Variants in COL6A6 observed in about 807,000 individuals in gnomAD.
COL6A6 encodes the protein collagen alpha-6(VI) chain.
COL6A6 carries 183 observed loss-of-function variants against 208.6 expected under a neutral mutation model. That is an observed-to-expected ratio of 0.88 (90% CI 0.78 to 0.99). The LOEUF (loss-of-function observed/expected upper bound fraction) is 0.99. Among genes scored for constraint, COL6A6 ranks in the 50% least tolerant of loss-of-function variants. The pLI, the probability that COL6A6 is intolerant of heterozygous loss-of-function variation, is 0.00. For missense variants in COL6A6, 2,816 were observed against 2,815.2 expected, an observed-to-expected ratio of 1.00 and a Z score of -0.01; for synonymous variants, 973 against 1,011.8, an observed-to-expected ratio of 0.96 and a Z score of 0.73.
chr3:130,640,680 A>G (rs1036361868), intron 28 of COL6A6, among the ~76,000 whole-genome samples: 1 of 152,124 alleles, frequency 6.6e-6, no homozygotes, highest in Non-Finnish European at 1.5e-5. Flanking sequence ...TTTTTAAACT[A>G]AGTCCTAGCT....
rs146013674 is a variant in COL6A6, at chr3:130,659,832, A to C, written c.5830+1060A>C. On this transcript the variant is annotated intron_variant, in intron 34 of 36. Transcript: ENST00000358511. ...GCCATATAAATGACCTAAATGAGGA[A>C]GGTAGTAATTCTGAGGGAGAAGTAG... Among the ~76,000 whole-genome samples, 176 of 152,336 alleles carry C rather than the reference A, an allele frequency of 1.2e-3. 2 individuals carry two copies. The highest frequency in any genetic ancestry group is 5.0e-3 in the South Asian group (24 of 4,824).
chr3:130,542,816 T>C (rs544381061), intron 1 of COL6A6, among the ~76,000 whole-genome samples: 2 of 152,282 alleles, frequency 1.3e-5, no homozygotes, highest in African/African-American at 4.8e-5. Context: ...CTCTGAAGTT[T>C]GATCTGTCTG....
chr3:130,642,243 ATGTGTGTGTGTGTGTGTGTGTGTG>A (rs3074299), intron 29 of COL6A6, among the ~76,000 whole-genome samples: 33 of 142,100 alleles, frequency 2.3e-4, no homozygotes, highest in African/African-American at 5.5e-4. Flanking sequence ...GACAGATTAT[ATGTGTGTGTGTGTGTGTGTGTGTG>A]TGTGTGTGTG....
chr3:130,581,985 C>G lies in COL6A6; in HGVS notation c.3892-5C>G, dbSNP rs1294333414. On this transcript the variant is annotated splice_polypyrimidine_tract_variant and splice_region_variant and intron_variant, in intron 9 of 36. Transcript: ENST00000358511. ...TCATTTTACTTTTTTTGAATACTTT[C>G]TTAGGTGGTCCTTTTATTTTCAGAT... 2 of 1,605,890 alleles carry G rather than the reference C, an allele frequency of 1.2e-6. No homozygotes were observed. Among genetic ancestry groups the G allele is most frequent in the Admixed American group, 3.4e-5 (2 of 58,524 alleles).
intron 1 of COL6A6, among the ~76,000 whole-genome samples, chr3:130,524,851 G>A (rs2061926765): frequency 6.6e-6 from 1 of 152,182 alleles, no homozygotes; most frequent in African/African-American, 2.4e-5. Context: ...GATGTGCGCT[G>A]TGGATGCAGA....
At chr3:130,607,074 G>T (rs2064205500) in intron 21 of COL6A6, 108 bp downstream of exon 21, 3 of 822,086 alleles carry the variant, frequency 3.6e-6, no homozygotes, top group Non-Finnish European at 5.6e-6. Flanking sequence ...GATGATATTG[G>T]TTATGGAATA....
chr3:130,625,138 G>A (rs532592324), intron 24 of COL6A6, among the ~76,000 whole-genome samples: 1 of 152,300 alleles, frequency 6.6e-6, no homozygotes, highest in Non-Finnish European at 1.5e-5. Context: ...ATGAACCCTG[G>A]ATGTGGCTGT....
At chr3:130,634,508 G>C in intron 26 of COL6A6, 82 bp from the exon 27 acceptor site, 1 of 1,260,520 alleles carries the variant, frequency 7.9e-7, no homozygotes, top group Non-Finnish European at 1.1e-6. Context: ...AAACTACACA[G>C]GGCAGCAGGT....
At chr3:130,550,820 T>A (rs1397940301) in intron 1 of COL6A6, among the ~76,000 whole-genome samples, 1 of 152,202 alleles carries the variant, frequency 6.6e-6, no homozygotes. Flanking sequence ...CTCTTATTAT[T>A]TTGTAGTACA....
chr3:130,590,254 CATATATATATAT>C lies in COL6A6; in HGVS notation c.4219-752_4219-741del, dbSNP rs1299611852. ...CTCGAAATTCCATTTCTTTTTTTTT[CATATATATATAT>C]ATATATATATATATATATATATATA... On this transcript the variant is annotated intron_variant, in intron 12 of 36. Transcript: ENST00000358511. 9.4e-3 allele frequency among the ~76,000 whole-genome samples: 110 copies of C among 11,660 alleles called. 1 individual carries two copies. The highest frequency in any genetic ancestry group is 0.17 in the Middle Eastern group (1 of 6). The allele number at this position is 11,660 out of a possible 152,430, so 7.6% of individuals were successfully genotyped here. A position where few individuals can be genotyped will look rare whatever the true frequency, so the allele number is the denominator to read the frequency against.
At position 130,662,035 on chromosome 3, in the gene COL6A6, C is replaced by A. The variant is rs1559800157; in HGVS notation, c.6229C>A (p.Pro2077Thr). 6.2e-7 allele frequency: 1 copy of A among 1,614,014 alleles called. No individual in the cohort carries two copies. Among genetic ancestry groups the A allele is most frequent in the Non-Finnish European group, 8.5e-7 (1 of 1,179,898 alleles). The change falls in exon 35 of 37, where the codon CCC (proline) becomes ACC (threonine). Residue 2077 changes from proline to threonine, a missense_variant. By Grantham distance (38) the Pro-to-Thr change is conservative (BLOSUM62 -1). Coordinates refer to ENST00000358511, the MANE Select transcript of COL6A6 (RefSeq NM_001102608.3). ...TCTGGACAATGTATTTTTAAGTACA[C>A]CCAATCTGAGAAGAAACAAAGTCAT... is the stretch of plus-strand genomic sequence containing the variant. The part of the protein sequence containing the change: ...WTLDNVFLST[P>T]NLRRNKVIFV...
intron 1 of COL6A6, among the ~76,000 whole-genome samples, chr3:130,553,471 C>T (rs1196328673): frequency 6.6e-6 from 1 of 152,148 alleles, no homozygotes; most frequent in African/African-American, 2.4e-5. Context: ...TCTGAAATTC[C>T]TAAAGTGAGT....
intron 23 of COL6A6, among the ~76,000 whole-genome samples, chr3:130,610,986 C>G (rs540682204): frequency 9.9e-5 from 15 of 152,274 alleles, no homozygotes; most frequent in African/African-American, 3.6e-4. Context: ...TCTCAATTCT[C>G]TTGGGGTTTC....
Position 130,635,708 on chromosome 3 carries a change from G to C in COL6A6, c.5038G>C (p.Gly1680Arg). Residue 1680 changes from glycine to arginine, a missense_variant, in exon 28 of 37, where the codon GGG (glycine) becomes CGG (arginine). Transcript: ENST00000358511. ...TAATAAATGTATTTAGGGTGAGATTGGGGACCCTGGTGGTCCAGGAGAGAC... is the reference window on the plus strand; with the variant it reads ...TAATAAATGTATTTAGGGTGAGATTCGGGACCCTGGTGGTCCAGGAGAGAC... ...PGESGPKGEI[G>R]DPGGPGETGL... is the part of the protein sequence containing the mutation. 6.2e-7 allele frequency: 1 copy of C among 1,608,310 alleles called. No individual in the cohort carries two copies. The highest frequency in any genetic ancestry group is 8.5e-7 in the Non-Finnish European group (1 of 1,175,146).
rs377717945 is a variant in COL6A6 at position 130,628,115 on chromosome 3, C to T, written c.4992+746C>T. On this transcript the variant is annotated intron_variant, in intron 26 of 36. Coordinates refer to ENST00000358511, the MANE Select transcript of COL6A6 (RefSeq NM_001102608.3). ...AACATAATTCCAAGTGAAATCCCAA[C>T]GGGAATAATGCAAGAGGCCATCTGG... 3.0e-4 allele frequency among the ~76,000 whole-genome samples: 46 copies of T among 151,960 alleles called. 1 individual carries two copies. The highest frequency in any genetic ancestry group is 2.3e-3 in the Admixed American group (35 of 15,262).
chr3:130,523,910 C>G (rs374715469), intron 1 of COL6A6, among the ~76,000 whole-genome samples: 1 of 152,174 alleles, frequency 6.6e-6, no homozygotes, highest in Admixed American at 6.5e-5. Flanking sequence ...TCTGCATTCC[C>G]TGGGTTAATG....
intron 3 of COL6A6, 66 bp downstream of exon 3, chr3:130,563,730 G>T: frequency 1.8e-6 from 2 of 1,094,978 alleles, no homozygotes; most frequent in Non-Finnish European, 2.7e-6. Flanking sequence ...ATGGGGAGAG[G>T]ATTGAAATTC....
In COL6A6 at chr3:130,574,157, A is replaced by T. The variant is rs147135198; in HGVS notation, c.3179A>T (p.Glu1060Val). Residue 1060 changes from glutamate to valine, a missense_variant, in exon 8 of 37, where the codon GAA (glutamate) becomes GTA (valine). Glu to Val is a moderately radical substitution (Grantham distance 121, BLOSUM62 -2). Transcript: ENST00000358511. ...PEFPLGTFIG[E>V]KEISFQIENI... is the part of the protein sequence containing the mutation. Reference sequence around the variant, plus strand: ...TTTCCACTGGGAACTTTCATAGGTGAAAAAGAGATATCATTTCAGATTGAA... The same window carrying T: ...TTTCCACTGGGAACTTTCATAGGTGTAAAAGAGATATCATTTCAGATTGAA... 1.7e-5 allele frequency: 27 copies of T among 1,614,020 alleles called. No individual in the cohort carries two copies. The African/African-American group carries it at 2.8e-4, about 17-fold the overall frequency.
At chr3:130,642,694 C>A in intron 29 of COL6A6, 138 bp from the exon 30 acceptor site, 1 of 677,880 alleles carries the variant, frequency 1.5e-6, no homozygotes, top group South Asian at 2.0e-5. Flanking sequence ...TACCTACCTG[C>A]ATTCTTTTTT....
Sources: gnomAD v4.1 joint callset for allele counts (sites outside exome capture counted in the v4.1 genomes callset) on GRCh38, gnomAD v4.1.1 for gene constraint, MANE v1.5 for transcripts, NCBI Gene and HGNC (gene_info 2026-07-23, HGNC 2026-07-21) for gene names.